The following CROCC variants were observed in gnomAD, a reference collection of about 807,000 sequenced individuals.
The protein encoded by CROCC is ciliary rootlet coiled-coil, rootletin.
Under a neutral mutation model 245.2 loss-of-function variants are expected in CROCC, and 180 were observed. The observed-to-expected ratio is 0.73, with a 90% confidence interval of 0.65 to 0.83. The LOEUF is 0.83. Among genes scored for constraint, CROCC ranks in the 40% least tolerant of loss-of-function variants. The pLI is 0.00. For synonymous variants in CROCC, 1,205 were observed against 1,241.6 expected, an observed-to-expected ratio of 0.97 and a Z score of 0.62; for missense variants, 2,688 against 2,779.4, an observed-to-expected ratio of 0.97 and a Z score of 0.74.
At chr1:16,959,847 C>T (rs531413852) in intron 26 of CROCC, among the ~76,000 whole-genome samples, 17 of 152,142 alleles carry the variant, frequency 1.1e-4, no homozygotes, top group Non-Finnish European at 2.4e-4. Context: ...TCAAGTGCAG[C>T]CCACAGCCCC....
At chr1:16,945,441 C>G (rs199770847) in intron 14 of CROCC, 21 bp from the exon 15 acceptor site, 38,389 of 1,582,196 alleles carry the variant, frequency 0.024, no homozygotes, top group Non-Finnish European at 0.028. Context: ...ATGGGCCACC[C>G]ACCCACCCTT....
intron 1 of CROCC, among the ~76,000 whole-genome samples, chr1:16,914,910 C>A (rs1375360583): frequency 2.0e-5 from 3 of 152,398 alleles, no homozygotes; most frequent in African/African-American, 7.2e-5. Context: ...TCTGTTTACG[C>A]CAGAAAACAG....
intron 15 of CROCC, 34 bp from the exon 16 acceptor site, chr1:16,946,225 G>A (rs1214883823): frequency 6.2e-7 from 1 of 1,603,488 alleles, no homozygotes; most frequent in Admixed American, 1.7e-5. Context: ...CGACCTTTCT[G>A]CCTTTCCTCA....
At chr1:16,951,397 C>T in intron 20 of CROCC, 1 of 275,028 alleles carries the variant, frequency 3.6e-6, no homozygotes, top group Admixed American at 5.3e-5. Context: ...CAGGAAAGCA[C>T]TTTCATTTGC....
At chr1:16,965,195 G>A (rs2076398022) in intron 27 of CROCC, among the ~76,000 whole-genome samples, 1 of 152,250 alleles carries the variant, frequency 6.6e-6, no homozygotes, top group Non-Finnish European at 1.5e-5. Flanking sequence ...CTGTCAGGAA[G>A]TTGTTGTGAA....
Position 16,945,610 on chromosome 1 carries a change from G to A in CROCC, c.2136+4G>A, listed in dbSNP as rs758539098. 5 of 1,611,652 alleles carry A rather than the reference G, an allele frequency of 3.1e-6. No individual in the cohort carries two copies. The highest frequency in any genetic ancestry group is 3.4e-6 in the Non-Finnish European group (4 of 1,179,466). Reference sequence around the variant, plus strand: ...GGTGGCCGAGGCGCTGACCAAGGTGGGTCCCTGTCTGCTGCACAACCACAA... The same window carrying A: ...GGTGGCCGAGGCGCTGACCAAGGTGAGTCCCTGTCTGCTGCACAACCACAA... On this transcript the variant is annotated splice_donor_region_variant and intron_variant, in intron 15 of 36. Transcript: ENST00000375541.
In CROCC at chr1:16,960,903, C is replaced by G. The variant is rs1455027835; in HGVS notation, c.4178C>G (p.Ala1393Gly). 6 of 1,504,328 alleles carry G rather than the reference C, an allele frequency of 4.0e-6. No homozygotes were observed. The highest frequency in any genetic ancestry group is 2.1e-5 in the Admixed American group (1 of 47,288). The allele number at this position is 1,504,328 out of a possible 1,614,324, so 93.2% of individuals were successfully genotyped here. The change falls in exon 27 of 37, where the codon GCG (alanine) becomes GGG (glycine). Residue 1393 changes from alanine to glycine, a missense_variant. Ala to Gly is a moderately conservative substitution (Grantham distance 60). This residue lies in a region of CROCC where 1,218 missense variants were observed against 1,286.3 expected (regional missense o/e 0.95). Coordinates refer to ENST00000375541, the MANE Select transcript of CROCC (RefSeq NM_014675.5). ...CGCGGCCTGGAGCTGAAGCTGGAGG[C>G]GGCGCGGGCCGAGGCTGCAGAGCTG... ...HARGLELKLE[A>G]ARAEAAELGL...
chr1:16,914,992 C>T (rs1158765797), intron 1 of CROCC, among the ~76,000 whole-genome samples: 1 of 152,236 alleles, frequency 6.6e-6, no homozygotes, highest in African/African-American at 2.4e-5. Context: ...GAGCAGACGA[C>T]AGCGAGGTTC....
intron 17 of CROCC, among the ~76,000 whole-genome samples, chr1:16,947,192 G>T (rs1195436532): frequency 6.6e-6 from 1 of 152,284 alleles, no homozygotes; most frequent in Non-Finnish European, 1.5e-5. Flanking sequence ...ATAACATGGG[G>T]CCAGCCAGGC....
At chr1:16,963,568 T>C (rs1376976126) in intron 27 of CROCC, among the ~76,000 whole-genome samples, 1 of 152,162 alleles carries the variant, frequency 6.6e-6, no homozygotes, top group African/African-American at 2.4e-5. Context: ...AGTTCATGGC[T>C]GCGGAGCAGT....
At chr1:16,921,207 A>G (rs1182136894), upstream of CROCC, among the ~76,000 whole-genome samples, 1 of 152,274 alleles carries the variant, frequency 6.6e-6, no homozygotes, top group Non-Finnish European at 1.5e-5. Context: ...CATCTTACGT[A>G]AGAGGACACT....
In CROCC at chr1:16,946,359, A is replaced by G. The variant is rs1485042520; in HGVS notation, c.2237A>G (p.Glu746Gly). The change falls in exon 16 of 37, where the codon GAG becomes GGG. Residue 746 changes from glutamate to glycine, a missense_variant. Physicochemically the swap from Glu to Gly is moderately conservative, Grantham distance 98. Around this residue, in one of 9 missense-constraint regions of CROCC, gnomAD observed 295 missense variants for 241.7 expected, o/e 1.22. Coordinates refer to ENST00000375541, the MANE Select transcript of CROCC (RefSeq NM_014675.5). ...CTGTCCAAGCTGAGCGCCCTCAACG[A>G]GAGCCTTGCTCAGGACAAGTTGGAT... ...DSLSKLSALN[E>G]SLAQDKLDLN... The G allele has an allele frequency of 1.2e-6, 2 of 1,613,164 alleles. No homozygotes were observed. Among genetic ancestry groups the G allele is most frequent in the African/African-American group, 1.3e-5 (1 of 74,946 alleles).
intron 2 of CROCC, among the ~76,000 whole-genome samples, chr1:16,923,867 G>A (rs1374448439): frequency 6.6e-6 from 1 of 152,254 alleles, no homozygotes; most frequent in Non-Finnish European, 1.5e-5. Context: ...TTTTAGTAGA[G>A]ACAGGGCTTC....
intron 12 of CROCC, 40 bp downstream of exon 12, chr1:16,939,182 C>G (rs1380409710): frequency 2.4e-5 from 30 of 1,242,420 alleles, no homozygotes; most frequent in Admixed American, 7.7e-5. Context: ...AGCCAGAGGC[C>G]TGGGGGAGGG....
At chr1:16,971,096 T>C in intron 35 of CROCC, 2 of 447,766 alleles carry the variant, frequency 4.5e-6, no homozygotes, top group Non-Finnish European at 7.9e-6. Flanking sequence ...TATGTGTTTG[T>C]GTACAGATGT....
intron 1 of CROCC, among the ~76,000 whole-genome samples, chr1:16,914,270 GC>G (rs1258420848): frequency 6.6e-6 from 1 of 152,160 alleles, no homozygotes; most frequent in Non-Finnish European, 1.5e-5. Context: ...GACTGCCGCG[GC>G]CCGGCACCGG....
chr1:16,939,493 G>A (rs1430332389), intron 12 of CROCC, among the ~76,000 whole-genome samples: 5 of 152,182 alleles, frequency 3.3e-5, no homozygotes, highest in Admixed American at 3.3e-4. Context: ...CTGGGAAAAG[G>A]TCTAGCAAGG....
rs903011736 is a variant in CROCC at position 16,961,256 on chromosome 1, C to T, written c.4405+126C>T. On this transcript the variant is annotated intron_variant, in intron 27 of 36. Coordinates refer to ENST00000375541, the MANE Select transcript of CROCC (RefSeq NM_014675.5). ...TTTCAAGGAGCCCACCACACCTCTC[C>T]ACTGAGGTCCACTTCTTAGCCCCGT... The T allele has an allele frequency of 2.5e-5, 23 of 922,776 alleles. No individual in the cohort carries two copies. The African/African-American group carries it at 4.0e-4, about 16-fold the overall frequency. 57.2% of individuals were successfully genotyped at this position (922,776 alleles called of 1,614,324 possible).
At position 16,929,931 on chromosome 1, in the gene CROCC, G is replaced by A. The variant is rs558553781; in HGVS notation, c.437G>A (p.Arg146Lys). 2.0e-5 allele frequency: 32 copies of A among 1,588,024 alleles called. No homozygotes were observed. The African/African-American group carries it at 4.1e-4, about 21-fold the overall frequency. The change falls in exon 4 of 37, where the codon AGG becomes AAG. Residue 146 changes from arginine (R) to lysine (K), a missense_variant. Arg to Lys is a conservative substitution (Grantham distance 26, BLOSUM62 2). Coordinates refer to ENST00000375541, the MANE Select transcript of CROCC (RefSeq NM_014675.5). ...GTACGGCAGAGCGTGGAGTTGCGGA[G>A]GCAGCTGCAGGAGGAGCAGGCCTCC... ...GLVRQSVELRRQLQEEQASYR... is the reference protein window; with the variant it reads ...GLVRQSVELRKQLQEEQASYR...
Sources: allele counts gnomAD v4.1 joint callset (sites outside exome capture counted in the v4.1 genomes callset), GRCh38; gene constraint gnomAD v4.1.1; regional missense constraint gnomAD v4.1.1; transcripts MANE v1.5; gene names NCBI Gene and HGNC (gene_info 2026-07-23, HGNC 2026-07-21).